The following TANC1 variants were observed in gnomAD, a reference collection of about 807,000 sequenced individuals.
TANC1 encodes tetratricopeptide repeat, ankyrin repeat and coiled-coil containing 1.
TANC1 carries 77 observed loss-of-function variants against 149.7 expected under a neutral mutation model. The ratio of observed to expected loss-of-function variants is 0.51; its 90% confidence interval spans 0.43 to 0.62. TANC1 has a LOEUF of 0.62. TANC1 is among the 20% of genes least tolerant of loss of function. The pLI is 0.00. For synonymous variants in TANC1, 854 were observed against 925.0 expected (o/e 0.92, Z 1.39); for missense variants, 1,985 against 2,321.8 (o/e 0.85, Z 2.98).
chr2:159,184,318 G>T (rs1014170982), intron 14 of TANC1, among the ~76,000 whole-genome samples: 2 of 152,226 alleles, frequency 1.3e-5, no homozygotes, highest in African/African-American at 4.8e-5. Flanking sequence ...AAGAACAGGA[G>T]GGCAGGGAGG....
intron 3 of TANC1, among the ~76,000 whole-genome samples, chr2:159,088,339 G>C (rs1190660295): frequency 6.6e-6 from 1 of 151,982 alleles, no homozygotes; most frequent in Admixed American, 6.6e-5. Flanking sequence ...AAAGGTTTTT[G>C]TTTCCCATAT....
In TANC1 at chr2:159,179,141, A is replaced by T. The variant is rs1455099038; in HGVS notation, c.2488A>T (p.Thr830Ser). The change falls in exon 14 of 27, where the codon ACG becomes TCG. Residue 830 changes from threonine to serine, a missense_variant. Around this residue, in one of 3 missense-constraint regions of TANC1, gnomAD observed 508 missense variants for 714.2 expected, o/e 0.71. Transcript: ENST00000263635. Reference sequence around the variant, plus strand: ...TGTATGGAGAGCAGACGGGGAAAACACGGCCTTCCTGTGTGAGCCCAGGTA... The same window carrying T: ...TGTATGGAGAGCAGACGGGGAAAACTCGGCCTTCCTGTGTGAGCCCAGGTA... ...WLVWRADGEN[T>S]AFLCEPRNGH... 1 of 1,611,218 alleles carries T rather than the reference A, an allele frequency of 6.2e-7. No homozygotes were observed. Among genetic ancestry groups the T allele is most frequent in the Admixed American group, 1.7e-5 (1 of 59,606 alleles).
chr2:159,209,305 T>C (rs4665040), intron 19 of TANC1, among the ~76,000 whole-genome samples: 137,429 of 152,304 alleles, frequency 0.9, 62,554 homozygotes, highest in Non-Finnish European at 0.96. Context: ...ATAACTGCCT[T>C]GTCTTTGTAG....
intron 17 of TANC1, among the ~76,000 whole-genome samples, chr2:159,195,032 A>G (rs191023684): frequency 3.2e-4 from 49 of 152,300 alleles, no homozygotes; most frequent in Non-Finnish European, 4.0e-4. Context: ...TAAAATGGGC[A>G]TAACAGCAGT....
intron 3 of TANC1, among the ~76,000 whole-genome samples, chr2:159,085,375 T>C (rs1446391171): frequency 6.6e-6 from 1 of 152,070 alleles, no homozygotes; most frequent in Non-Finnish European, 1.5e-5. Flanking sequence ...TTATAGCAAC[T>C]CAAAATGGAC....
intron 4 of TANC1, among the ~76,000 whole-genome samples, chr2:159,116,430 A>AAACAACAACAGCAAC (rs374865205): frequency 1.0e-4 from 15 of 148,610 alleles, no homozygotes; most frequent in Non-Finnish European, 1.6e-4. Flanking sequence ...CAGTCTCAAA[A>AAACAACAACAGCAAC]AACAACAACA....
chr2:159,087,470 T>G lies in TANC1; in HGVS notation c.62-10167T>G, dbSNP rs1291975574. Reference sequence around the variant, plus strand: ...ATGTTGCTTTTTTTGTTTTTCCGTTTTTTTTTTTTTTTGTCGTTGTTTGTT... The same window carrying G: ...ATGTTGCTTTTTTTGTTTTTCCGTTGTTTTTTTTTTTTGTCGTTGTTTGTT... On this transcript the variant is annotated intron_variant, in intron 3 of 26. Transcript: ENST00000263635. Among the ~76,000 whole-genome samples, 12 of 3,536 alleles carry G rather than the reference T, an allele frequency of 3.4e-3. 1 individual carries two copies. Among genetic ancestry groups the G allele is most frequent in the African/African-American group, 9.7e-3 (11 of 1,136 alleles). The allele number at this position is 3,536 out of a possible 152,430, so 2.3% of individuals were successfully genotyped here.
intron 2 of TANC1, among the ~76,000 whole-genome samples, chr2:159,044,197 T>A (rs1443524359): frequency 1.3e-5 from 2 of 152,160 alleles, no homozygotes; most frequent in Admixed American, 6.5e-5. Flanking sequence ...CCCAGCACTT[T>A]GGGAGGTTGA....
At chr2:158,984,920 TG>T (rs771668464) in intron 1 of TANC1, among the ~76,000 whole-genome samples, 9 of 152,216 alleles carry the variant, frequency 5.9e-5, no homozygotes, top group African/African-American at 2.2e-4. Context: ...GCAAAGGCCT[TG>T]CATGCCAGGC....
chr2:159,052,232 CATT>C (rs199586341), intron 2 of TANC1, among the ~76,000 whole-genome samples: 2,870 of 141,180 alleles, frequency 0.02, 56 homozygotes, highest in Non-Finnish European at 0.036. Flanking sequence ...TGTTTTTGTA[CATT>C]GTCTGTCACA....
intron 2 of TANC1, among the ~76,000 whole-genome samples, chr2:159,060,376 A>G (rs754537627): frequency 3.9e-5 from 6 of 152,308 alleles, no homozygotes; most frequent in Middle Eastern, 3.4e-3. Context: ...GTGTTTAGGT[A>G]TTTGGGGTAA....
chr2:159,218,583 C>T (rs542664375), intron 20 of TANC1, among the ~76,000 whole-genome samples: 7 of 152,296 alleles, frequency 4.6e-5, no homozygotes, highest in African/African-American at 1.7e-4. Context: ...GGCTAAGCTA[C>T]GGGTGAAGCA....
rs547675656 is a variant in TANC1, at chr2:159,099,584, T to C, written c.259+1750T>C. Among the ~76,000 whole-genome samples, 6 of 152,244 alleles carry C rather than the reference T, an allele frequency of 3.9e-5. No individual in the cohort carries two copies. The South Asian group carries it at 1.2e-3, about 32-fold the overall frequency. Reference sequence around the variant, plus strand: ...TCCTGAACTTTCTCCTAGGTCTGTGTGTGTGTGTGCGCACACATTTTCTTG... The same window carrying C: ...TCCTGAACTTTCTCCTAGGTCTGTGCGTGTGTGTGCGCACACATTTTCTTG... On this transcript the variant is annotated intron_variant, in intron 4 of 26. Transcript: ENST00000263635.
chr2:159,051,826 G>T (rs928440114), intron 2 of TANC1, among the ~76,000 whole-genome samples: 1 of 152,128 alleles, frequency 6.6e-6, no homozygotes, highest in Non-Finnish European at 1.5e-5. Flanking sequence ...CCAGACTTAG[G>T]TTATTTTATT....
intron 14 of TANC1, among the ~76,000 whole-genome samples, chr2:159,180,718 G>A (rs1285189713): frequency 6.6e-6 from 1 of 152,190 alleles, no homozygotes; most frequent in Admixed American, 6.5e-5. Context: ...CAATTGAGAG[G>A]ATATAGAACA....
chr2:159,008,845 T>C (rs1000641860), intron 2 of TANC1, among the ~76,000 whole-genome samples: 31 of 152,256 alleles, frequency 2.0e-4, no homozygotes, highest in African/African-American at 7.5e-4. Context: ...TCTGCTCAAC[T>C]GGGGAGAGTC....
At chr2:159,201,105 C>T (rs886582961) in intron 19 of TANC1, among the ~76,000 whole-genome samples, 1 of 152,154 alleles carries the variant, frequency 6.6e-6, no homozygotes, top group Non-Finnish European at 1.5e-5. Context: ...CAACAAAATC[C>T]ACCTTGCCTT....
intron 4 of TANC1, among the ~76,000 whole-genome samples, chr2:159,103,868 C>T (rs745413021): frequency 2.1e-5 from 2 of 96,966 alleles, no homozygotes; most frequent in African/African-American, 5.7e-5. Flanking sequence ...TCTGCCTGTA[C>T]GTTGTTGGCT....
intron 4 of TANC1, among the ~76,000 whole-genome samples, chr2:159,120,133 C>A (rs574261285): frequency 4.2e-4 from 64 of 150,738 alleles, no homozygotes; most frequent in African/African-American, 1.5e-3. Flanking sequence ...TGTACAGATG[C>A]CAGAGATGCC....
Sources: allele counts gnomAD v4.1 joint callset (sites outside exome capture counted in the v4.1 genomes callset), GRCh38; gene constraint gnomAD v4.1.1; regional missense constraint gnomAD v4.1.1; transcripts MANE v1.5; gene names NCBI Gene and HGNC (gene_info 2026-07-23, HGNC 2026-07-21).